The following MRPL23 variants were observed in gnomAD, a reference collection of about 807,000 sequenced individuals.
MRPL23 encodes mitochondrial ribosomal protein L23.
For synonymous variants in MRPL23, 12 were observed against 34.8 expected (o/e 0.35, Z 2.30); for missense variants, 25 against 81.3 (o/e 0.31, Z 2.66).
downstream of MRPL23, among the ~76,000 whole-genome samples, chr11:1,988,863 G>C (rs1447346184): frequency 4.8e-5 from 7 of 146,002 alleles, no homozygotes; most frequent in African/African-American, 1.7e-4. Context: ...TAAGGAATGG[G>C]AGGCAGGGCG....
intron 4 of MRPL23, among the ~76,000 whole-genome samples, chr11:1,954,689 G>GGGAATGAAGGGCGCGCA (rs369481979): frequency 5.8e-5 from 3 of 51,294 alleles, no homozygotes; most frequent in East Asian, 8.0e-4. Flanking sequence ...TGAGCAGCGC[G>GGGAATGAAGGGCGCGCA]GGAATGAAGG....
At chr11:1,951,926 T>C (rs1856318772) in intron 2 of MRPL23, among the ~76,000 whole-genome samples, 1 of 78,628 alleles carries the variant, frequency 1.3e-5, no homozygotes, top group Non-Finnish European at 2.2e-5. Context: ...GTGCCCAGAG[T>C]AGGGAGTCTT....
In MRPL23 at chr11:1,951,707, G is replaced by A. The variant is rs115984066; in HGVS notation, c.141-420G>A. On this transcript the variant is annotated intron_variant, in intron 2 of 4. Transcript: ENST00000397298. ...TAGAACCGCATCAGTCCCATCAGCC[G>A]CAGAGCAGGCCTAACCCTGATGCGG... 1.9e-3 allele frequency among the ~76,000 whole-genome samples: 177 copies of A among 94,936 alleles called. 32 individuals carry two copies. Among genetic ancestry groups the A allele is most frequent in the African/African-American group, 8.1e-3 (173 of 21,326 alleles). 62.3% of individuals were successfully genotyped at this position (94,936 alleles called of 152,430 possible). A position where few individuals can be genotyped will look rare whatever the true frequency, so the allele number is the denominator to read the frequency against.
At chr11:1,983,927 G>A (rs1020848834) in intron 5 of MRPL23, 1 of 123,548 alleles carries the variant, frequency 8.1e-6, no homozygotes, top group African/African-American at 2.7e-5. Context: ...CACTATCCCC[G>A]GGGGTCCAAG....
intron 5 of MRPL23, among the ~76,000 whole-genome samples, chr11:1,978,527 G>A (rs919318127): frequency 1.0e-5 from 1 of 97,418 alleles, no homozygotes; most frequent in African/African-American, 3.6e-5. Context: ...CGAGGTGGGT[G>A]GATCACCAGA....
At chr11:1,957,939 C>G (rs1051330850), downstream of MRPL23, among the ~76,000 whole-genome samples, 1 of 112,384 alleles carries the variant, frequency 8.9e-6, no homozygotes. Flanking sequence ...CTGCTGTGTG[C>G]GGGCAGCTCC....
At chr11:1,967,162 CG>C (rs1451817564), downstream of MRPL23, among the ~76,000 whole-genome samples, 1 of 40,970 alleles carries the variant, frequency 2.4e-5, no homozygotes, top group Non-Finnish European at 4.7e-5. Context: ...TCAGCTGCCC[CG>C]GGGCTCTGTG....
At chr11:1,953,704 T>C (rs1301747637) in intron 4 of MRPL23, among the ~76,000 whole-genome samples, 2 of 98,542 alleles carry the variant, frequency 2.0e-5, no homozygotes, top group Non-Finnish European at 4.0e-5. Flanking sequence ...CGGCGGGCCC[T>C]GCCACTAGAT....
At chr11:1,991,398 G>A in the MRPL23 span, 1 of 29,868 alleles carries the variant, frequency 3.3e-5, no homozygotes, top group Non-Finnish European at 8.2e-5. Context: ...AAGGAGGGAC[G>A]GGGCGCAGGC....
At chr11:1,994,339 G>C in the MRPL23 span, among the ~76,000 whole-genome samples, 1,474 of 93,358 alleles carry the variant, frequency 0.016, 116 homozygotes, top group African/African-American at 0.039. Context: ...AAGCTGACCC[G>C]GAACCCATGA....
At chr11:1,950,732 C>G (rs217202) in intron 1 of MRPL23, among the ~76,000 whole-genome samples, 167 bp from the exon 2 acceptor site, 2,038 of 32,380 alleles carry the variant, frequency 0.063, 674 homozygotes, top group Non-Finnish European at 0.11. Flanking sequence ...TTAGCTACCC[C>G]GTTTCCCGCC....
chr11:1,965,159 GGA>G (rs1013145777), downstream of MRPL23, among the ~76,000 whole-genome samples: 8 of 115,154 alleles, frequency 6.9e-5, no homozygotes, highest in African/African-American at 2.3e-4. Flanking sequence ...GACCCCACGG[GGA>G]GAGGGCCCTG....
chr11:1,991,658 C>T, the MRPL23 span, among the ~76,000 whole-genome samples: 1 of 136,910 alleles, frequency 7.3e-6, no homozygotes, highest in South Asian at 3.1e-4. Context: ...GAGACCCAGC[C>T]GGGGTCCAGG....
downstream of MRPL23, among the ~76,000 whole-genome samples, chr11:1,988,872 CG>C (rs1554900213): frequency 1.4e-5 from 2 of 145,842 alleles, no homozygotes; most frequent in African/African-American, 2.4e-5. Context: ...GGAGGCAGGG[CG>C]GGGGCGGCCA....
chr11:1,994,245 T>G, the MRPL23 span, among the ~76,000 whole-genome samples: 1 of 96,244 alleles, frequency 1.0e-5, no homozygotes, highest in Admixed American at 1.0e-4. Context: ...GGGCTGCCCC[T>G]TGTGTTCCCA....
chr11:1,994,354 GC>G, the MRPL23 span, among the ~76,000 whole-genome samples: 2 of 96,514 alleles, frequency 2.1e-5, 1 homozygote, highest in Non-Finnish European at 5.6e-5. Context: ...CCATGAGTGG[GC>G]TGCCTTGGCA....
the MRPL23 span, among the ~76,000 whole-genome samples, chr11:1,994,309 G>A: frequency 2.0e-5 from 2 of 98,070 alleles, 1 homozygote; most frequent in Non-Finnish European, 5.6e-5. Flanking sequence ...GGGAGCTGCC[G>A]GCCACTGGCC....
chr11:1,988,964 G>C (rs1373141119), downstream of MRPL23, among the ~76,000 whole-genome samples: 3 of 142,538 alleles, frequency 2.1e-5, 1 homozygote, highest in Non-Finnish European at 4.7e-5. Context: ...CACGCTCCCA[G>C]GCGCTTCCTT....
chr11:1,992,029 G>C, the MRPL23 span: 1 of 4,102 alleles, frequency 2.4e-4, no homozygotes, highest in African/African-American at 4.9e-4. Flanking sequence ...ACGTGCTCCT[G>C]GGTCACGGAA....
Sources: gnomAD v4.1 joint callset for allele counts (sites outside exome capture counted in the v4.1 genomes callset) on GRCh38, gnomAD v4.1.1 for gene constraint, MANE v1.5 for transcripts, NCBI Gene and HGNC (gene_info 2026-07-23, HGNC 2026-07-21) for gene names.